RNASE11: variants seen among roughly 807,000 people sequenced by gnomAD.
RNASE11 encodes the protein putative inactive ribonuclease 11.
For synonymous variants in RNASE11, 105 were observed against 86.1 expected (o/e 1.22, Z -1.21); for missense variants, 252 against 237.8 (o/e 1.06, Z -0.39).
chr14:20,583,967 G>T (rs780157229), exon 2 of RNASE11: 3 of 1,614,098 alleles, frequency 1.9e-6, no homozygotes, highest in Admixed American at 3.3e-5. Flanking sequence ...CTATGGTATT[G>T]GCACCTGGGG....
chr14:20,588,117 C>T (rs2059656034), upstream of RNASE11: 1 of 152,162 alleles, frequency 6.6e-6, no homozygotes, highest in African/African-American at 2.4e-5. Flanking sequence ...ATTCTCCCCT[C>T]CAACAATGGC....
exon 1 of RNASE11, chr14:20,587,616 A>G (rs1329375852): frequency 1.2e-5 from 12 of 985,248 alleles, no homozygotes; most frequent in East Asian, 1.1e-4. Flanking sequence ...ACCTGGTGAC[A>G]CCCAAAATTC....
At chr14:20,584,548 T>A (rs1035553697) in intron 1 of RNASE11, 52 bp from the exon 3 acceptor site, 28 of 1,422,708 alleles carry the variant, frequency 2.0e-5, no homozygotes, top group African/African-American at 2.9e-5. Context: ...AAAGAGGTAG[T>A]TCTTTCTTCC....
chr14:20,585,933 C>T (rs570313368), intron 1 of RNASE11, among the ~76,000 whole-genome samples: 6 of 152,278 alleles, frequency 3.9e-5, no homozygotes, highest in African/African-American at 1.4e-4. Flanking sequence ...TTATGTTCCA[C>T]CTCTAAAGCC....
chr14:20,584,670 A>C (rs923498535), intron 1 of RNASE11, among the ~76,000 whole-genome samples, 174 bp from the exon 3 acceptor site: 1 of 152,234 alleles, frequency 6.6e-6, no homozygotes, highest in Non-Finnish European at 1.5e-5. Context: ...CTGAAGACTC[A>C]TGTTCAAATT....
intron 1 of RNASE11, among the ~76,000 whole-genome samples, chr14:20,585,796 A>G (rs1884422770): frequency 6.6e-6 from 1 of 152,230 alleles, no homozygotes; most frequent in Non-Finnish European, 1.5e-5. Context: ...TTTGTTAACA[A>G]CATAACATGA....
At chr14:20,590,235 A>G (rs367999440), upstream of RNASE11, 16 of 1,598,238 alleles carry the variant, frequency 1.0e-5, no homozygotes, top group Admixed American at 1.7e-5. Flanking sequence ...GCCAGCTCCA[A>G]TGCCATTGAG....
In RNASE11 at chr14:20,587,542, C is replaced by T. The variant is rs931457149; in HGVS notation, c.-23+21G>A. The T allele has an allele frequency of 3.5e-5, 34 of 984,810 alleles. No homozygotes were observed. The African/African-American group carries it at 5.1e-4, about 15-fold the overall frequency. The allele number at this position is 984,810 out of a possible 1,614,324, so 61.0% of individuals were successfully genotyped here. ...ATGATGCTACCAAGGCCCAACAAAT[C>T]ATGTGCTAGGGACCACCTACCTGTT... On this transcript the variant is annotated intron_variant, in intron 1 of 1. Coordinates refer to ENST00000553849, the Ensembl canonical transcript of RNASE11.
intron 1 of RNASE11, among the ~76,000 whole-genome samples, chr14:20,585,975 T>G (rs1884425821): frequency 6.6e-6 from 1 of 152,194 alleles, no homozygotes; most frequent in African/African-American, 2.4e-5. Flanking sequence ...TCCTACATTA[T>G]TACCCTTACT....
chr14:20,583,873 A>C, exon 2 of RNASE11: 1 of 1,602,364 alleles, frequency 6.2e-7, no homozygotes, highest in South Asian at 1.1e-5. Flanking sequence ...GCTCTGTGGG[A>C]TTTACAACTT....
At chr14:20,586,146 C>T (rs1430898526) in intron 1 of RNASE11, among the ~76,000 whole-genome samples, 2 of 152,238 alleles carry the variant, frequency 1.3e-5, no homozygotes, top group South Asian at 2.1e-4. Flanking sequence ...CACTTGCTCT[C>T]ATCTCAATCT....
chr14:20,583,824 CAAG>C (rs1209833412), exon 2 of RNASE11: 1 of 1,519,300 alleles, frequency 6.6e-7, no homozygotes. Context: ...CAAGAATGAA[CAAG>C]AAGAGGTCCT....
exon 2 of RNASE11, chr14:20,584,245 G>T: frequency 6.2e-7 from 1 of 1,614,198 alleles, no homozygotes; most frequent in Non-Finnish European, 8.5e-7. Flanking sequence ...ACTTCTGAAT[G>T]TCAGTAATGT....
At chr14:20,588,496 T>C (rs1462358818), upstream of RNASE11, 4 of 152,208 alleles carry the variant, frequency 2.6e-5, no homozygotes, top group Non-Finnish European at 5.9e-5. Context: ...GAAATCCTTA[T>C]CTGTGTCTCT....
At chr14:20,585,097 T>C in intron 1 of RNASE11, 1 of 985,476 alleles carries the variant, frequency 1.0e-6, no homozygotes, top group Non-Finnish European at 1.2e-6. Flanking sequence ...TGAAATCGTG[T>C]TTGTTTCCTG....
upstream of RNASE11, chr14:20,588,407 C>G (rs756748997): frequency 3.3e-5 from 5 of 152,154 alleles, no homozygotes; most frequent in Admixed American, 6.5e-5. Context: ...GTTAGTAGTC[C>G]GGCTCAAAGT....
intron 1 of RNASE11, chr14:20,585,165 G>A: frequency 2.5e-6 from 2 of 797,232 alleles, no homozygotes; most frequent in Non-Finnish European, 3.0e-6. Flanking sequence ...GGGTAGATAG[G>A]GTTGTATGAG....
downstream of RNASE11, chr14:20,583,540 G>A (rs1884354845): frequency 4.0e-6 from 1 of 250,314 alleles, no homozygotes; most frequent in East Asian, 8.4e-5. Flanking sequence ...GTCCATATTG[G>A]CTTTAGTCCT....
upstream of RNASE11, chr14:20,590,220 G>GC: frequency 6.3e-7 from 1 of 1,585,034 alleles, no homozygotes; most frequent in Non-Finnish European, 8.6e-7. Flanking sequence ...TCTGCCTCAG[G>GC]CACAGCCAGC....
Sources: gnomAD v4.1 joint callset for allele counts (sites outside exome capture counted in the v4.1 genomes callset) on GRCh38, gnomAD v4.1.1 for gene constraint, MANE v1.5 for transcripts, NCBI Gene and HGNC (gene_info 2026-07-23, HGNC 2026-07-21) for gene names.